UNC5A: variants seen among roughly 807,000 people sequenced by gnomAD.
UNC5A encodes netrin receptor UNC5A.
UNC5A carries 20 observed loss-of-function variants against 87.4 expected under a neutral mutation model. The ratio of observed to expected loss-of-function variants is 0.23; its 90% CI spans 0.16 to 0.33. The LOEUF is 0.33. Ranked by LOEUF, UNC5A falls within the 10% of genes least tolerant of loss-of-function variation. UNC5A has a pLI of 1.00. For synonymous variants in UNC5A, 438 were observed against 482.3 expected (o/e 0.91, Z 1.20); for missense variants, 844 against 1,133.4 (o/e 0.74, Z 3.67).
chr5:176,819,214 C>A (rs1052713276), intron 1 of UNC5A, among the ~76,000 whole-genome samples: 1 of 152,196 alleles, frequency 6.6e-6, no homozygotes, highest in African/African-American at 2.4e-5. Flanking sequence ...CCCCCCACAT[C>A]TTTGTTACCT....
rs1199417096 is a variant in UNC5A, at chr5:176,869,982, C to T, written c.722-388C>T. Among the ~76,000 whole-genome samples, 7 of 152,118 alleles carry T rather than the reference C, an allele frequency of 4.6e-5. No individual in the cohort carries two copies. On this transcript the variant is annotated intron_variant, in intron 5 of 14. Coordinates refer to ENST00000329542, the MANE Select transcript of UNC5A (RefSeq NM_133369.3). This position sits in a 1 kb window ranked among gnomAD's most constrained non-coding sequence, Gnocchi z 9.1. The stretch of plus-strand genomic sequence containing the variant: ...ATCTGTGTCCAATGTCAGGGCTCAA[C>T]ATAGGGTGTAAGTCACAGGGTGTGA...
intron 13 of UNC5A, 45 bp from the exon 14 acceptor site, chr5:176,879,265 C>T: frequency 6.5e-7 from 1 of 1,529,300 alleles, no homozygotes; most frequent in Non-Finnish European, 8.8e-7. Flanking sequence ...TGGACCCGGG[C>T]CTGGGGAAAG....
rs1317288353 is a variant in UNC5A at position 176,833,709 on chromosome 5, C to CTTCCT, written c.70+22891_70+22892insCCTTT. ...CACAGCCTCTTTTTTTATCTTTTTT[C>CTTCCT]TTTCTTTTTTTTTTTTTTGAGACGG... On this transcript the variant is annotated intron_variant, in intron 1 of 14. Transcript: ENST00000329542. Among the ~76,000 whole-genome samples, 98 of 149,478 alleles carry CTTCCT rather than the reference C, an allele frequency of 6.6e-4. 1 individual carries two copies. Among genetic ancestry groups the CTTCCT allele is most frequent in the Middle Eastern group, 3.4e-3 (1 of 290 alleles).
At chr5:176,811,407 A>G (rs1756450512) in intron 1 of UNC5A, among the ~76,000 whole-genome samples, 1 of 152,154 alleles carries the variant, frequency 6.6e-6, no homozygotes, top group African/African-American at 2.4e-5. Flanking sequence ...TGCAGCCAGC[A>G]CAGTCAAAGC....
At chr5:176,851,653 A>AC (rs1183519717) in intron 1 of UNC5A, among the ~76,000 whole-genome samples, 1 of 151,792 alleles carries the variant, frequency 6.6e-6, no homozygotes, top group Non-Finnish European at 1.5e-5. Context: ...AGCTCTGTGC[A>AC]CCCCCCTCGG....
intron 1 of UNC5A, among the ~76,000 whole-genome samples, chr5:176,834,755 T>C (rs574872647): frequency 6.6e-6 from 1 of 151,126 alleles, no homozygotes; most frequent in South Asian, 2.1e-4. Flanking sequence ...CCTCTCTCTC[T>C]CCCTTTCCCT....
At chr5:176,827,827 T>G (rs1360148770) in intron 1 of UNC5A, among the ~76,000 whole-genome samples, 2 of 152,244 alleles carry the variant, frequency 1.3e-5, no homozygotes, top group Non-Finnish European at 2.9e-5. Flanking sequence ...GTTAAATTCT[T>G]GCAAACATTT....
At chr5:176,814,470 C>A (rs1211789801) in intron 1 of UNC5A, among the ~76,000 whole-genome samples, 4 of 152,180 alleles carry the variant, frequency 2.6e-5, no homozygotes, top group Non-Finnish European at 4.4e-5. Flanking sequence ...GCTCCCCACC[C>A]AACACCCCAA....
Position 176,810,908 on chromosome 5 carries a change from G to A in UNC5A, c.70+88G>A, listed in dbSNP as rs1334702905. On this transcript the variant is annotated intron_variant, in intron 1 of 14. Transcript: ENST00000329542. This position sits in a 1 kb window ranked among gnomAD's most constrained non-coding sequence, Gnocchi z 7.3. ...GCTCTGGGGGTCCCTGACCAGCGCT[G>A]CCAGACCCGGCTGGGAGCCCCCCGA... 1 of 1,125,024 alleles carries A rather than the reference G, an allele frequency of 8.9e-7. No homozygotes were observed. Among genetic ancestry groups the A allele is most frequent in the Non-Finnish European group, 1.1e-6 (1 of 909,900 alleles). The allele number at this position is 1,125,024 out of a possible 1,614,324, so 69.7% of individuals were successfully genotyped here.
intron 1 of UNC5A, among the ~76,000 whole-genome samples, chr5:176,825,373 T>C (rs954623933): frequency 6.6e-6 from 1 of 152,112 alleles, no homozygotes; most frequent in Admixed American, 6.5e-5. Context: ...TGAGGAAGGC[T>C]TTGGCGAAGG....
At chr5:176,831,342 C>A (rs963834835) in intron 1 of UNC5A, among the ~76,000 whole-genome samples, 1 of 152,120 alleles carries the variant, frequency 6.6e-6, no homozygotes, top group Admixed American at 6.5e-5. Flanking sequence ...CCCAGGGCCC[C>A]TCTCCCTGTC....
Position 176,877,975 on chromosome 5 carries a change from G to C in UNC5A, c.1717G>C (p.Glu573Gln). 3.1e-6 allele frequency: 5 copies of C among 1,605,122 alleles called. No homozygotes were observed. Among genetic ancestry groups the C allele is most frequent in the Non-Finnish European group, 3.4e-6 (4 of 1,179,928 alleles). The change falls in exon 11 of 15, where the codon GAG (glutamate) becomes CAG (glutamine). Residue 573 changes from glutamate (E) to glutamine (Q), a missense_variant. Transcript: ENST00000329542. ...GGCCAGTGCCTGCTACGTCTTCACC[G>C]AGCAGCTGGGCCGCTTTGCCCTGGT... is the stretch of plus-strand genomic sequence containing the variant. The part of the protein sequence containing the change: ...LEASACYVFT[E>Q]QLGRFALVGE...
intron 1 of UNC5A, among the ~76,000 whole-genome samples, chr5:176,858,009 C>T (rs1466167388): frequency 6.6e-6 from 1 of 152,226 alleles, no homozygotes; most frequent in Non-Finnish European, 1.5e-5. Context: ...CGAGCCACTG[C>T]AACCAAGGTG....
At chr5:176,855,837 G>T (rs1461285218) in intron 1 of UNC5A, among the ~76,000 whole-genome samples, 2 of 152,222 alleles carry the variant, frequency 1.3e-5, no homozygotes, top group Non-Finnish European at 2.9e-5. Flanking sequence ...GCTCAGGGGT[G>T]CAATGCTGGC....
intron 1 of UNC5A, among the ~76,000 whole-genome samples, chr5:176,851,923 C>T (rs923070729): frequency 2.6e-5 from 4 of 152,184 alleles, no homozygotes; most frequent in Non-Finnish European, 4.4e-5. Context: ...CGTGGGCAGT[C>T]GGGTGATCTG....
intron 1 of UNC5A, among the ~76,000 whole-genome samples, chr5:176,836,773 G>T (rs1434259851): frequency 6.6e-6 from 1 of 152,224 alleles, no homozygotes; most frequent in East Asian, 1.9e-4. Flanking sequence ...CCAATCACAG[G>T]AAATCCTGCT....
chr5:176,837,292 A>G (rs1234605222), intron 1 of UNC5A, among the ~76,000 whole-genome samples: 1 of 152,172 alleles, frequency 6.6e-6, no homozygotes, highest in East Asian at 1.9e-4. Context: ...GTCTTCTAGC[A>G]CAGGCACCTT....
chr5:176,818,675 C>T (rs1046568923), intron 1 of UNC5A, among the ~76,000 whole-genome samples: 1 of 152,222 alleles, frequency 6.6e-6, no homozygotes, highest in Admixed American at 6.5e-5. Flanking sequence ...CCACACCCAC[C>T]TTGTGGGCTC....
intron 9 of UNC5A, 66 bp downstream of exon 9, chr5:176,877,345 G>GC: frequency 6.8e-7 from 1 of 1,461,218 alleles, no homozygotes; most frequent in Non-Finnish European, 9.4e-7. Context: ...TCCCCAGGAA[G>GC]CCCCCTGCCC....
Sources: gnomAD v4.1 joint callset for allele counts (sites outside exome capture counted in the v4.1 genomes callset) on GRCh38, gnomAD v4.1.1 for gene constraint, Gnocchi (gnomAD v3.1) non-coding constraint, MANE v1.5 for transcripts, NCBI Gene and HGNC (gene_info 2026-07-23, HGNC 2026-07-21) for gene names.